The following DMRTA1 variants were observed in gnomAD, a reference collection of about 807,000 sequenced individuals.
DMRTA1 encodes DMRT like family A1, also known as doublesex- and mab-3-related transcription factor A1.
Under a neutral mutation model 35.2 loss-of-function variants are expected in DMRTA1, and 34 were observed. The ratio of observed to expected loss-of-function variants is 0.97; its 90% CI spans 0.74 to 1.29. The LOEUF is 1.29. Ranked by LOEUF, DMRTA1 falls within the 50% of genes most tolerant of loss-of-function variation. The probability of loss-of-function intolerance (pLI) is 0.00; values close to 1 mark genes in which losing one functional copy is unlikely to be tolerated. For missense variants in DMRTA1, 824 were observed against 644.6 expected, an observed-to-expected ratio of 1.28 and a Z score of -3.01; for synonymous variants, 344 against 276.6, an observed-to-expected ratio of 1.24 and a Z score of -2.42.
rs1262118692 is a variant in DMRTA1, at chr9:22,454,850, C to T, written c.*2939C>T. The T allele has an allele frequency of 6.6e-6, 1 of 152,070 alleles. No homozygotes were observed. The highest frequency in any genetic ancestry group is 2.4e-5 in the African/African-American group (1 of 41,404). The allele number at this position is 152,070 out of a possible 1,614,324, so 9.4% of individuals were successfully genotyped here. ...GCCTCGTATGATAAAGCATCTGGAACTCATTGAAAAATGCATGTAGAAAAT... is the reference window on the plus strand; with the variant it reads ...GCCTCGTATGATAAAGCATCTGGAATTCATTGAAAAATGCATGTAGAAAAT... On this transcript the variant is annotated 3_prime_UTR_variant, in exon 2 of 2. Transcript: ENST00000325870.
At position 22,452,061 on chromosome 9, in the gene DMRTA1, A is replaced by G; in HGVS notation, c.*150A>G. The G allele has an allele frequency of 2.2e-6, 2 of 890,868 alleles. No homozygotes were observed. The highest frequency in any genetic ancestry group is 1.9e-5 in the South Asian group (1 of 52,180). The allele number at this position is 890,868 out of a possible 1,614,324, so 55.2% of individuals were successfully genotyped here. ...TGCTGGGTTTTTTTTTTTTCAAGCA[A>G]TATAATAGGTCTTAGATCTGAAAAC... On this transcript the variant is annotated 3_prime_UTR_variant, in exon 2 of 2. Coordinates refer to ENST00000325870, the MANE Select transcript of DMRTA1 (RefSeq NM_022160.3).
Position 22,451,215 on chromosome 9 carries a change from G to A in DMRTA1, c.819G>A (p.Lys273=), listed in dbSNP as rs936560925. Residue 273 remains lysine (K), a synonymous_variant, in exon 2 of 2, where the codon AAG becomes AAA. Coordinates refer to ENST00000325870, the MANE Select transcript of DMRTA1 (RefSeq NM_022160.3). ...CATCTATTTCAGAATACTCCAACAA[G>A]CCTGATAGTATCCTGTCTCCTCATC... is the stretch of plus-strand genomic sequence containing the variant. ...IGSSISEYSN[K]PDSILSPHPG... is the part of the protein sequence containing the mutation. 1.2e-6 allele frequency: 2 copies of A among 1,614,070 alleles called. No individual in the cohort carries two copies. The highest frequency in any genetic ancestry group is 1.7e-6 in the Non-Finnish European group (2 of 1,179,952).
In DMRTA1 at chr9:22,446,836, G is replaced by T; in HGVS notation, c.-230G>T. 1.9e-6 allele frequency: 1 copy of T among 538,184 alleles called. No homozygotes were observed. Among genetic ancestry groups the T allele is most frequent in the East Asian group, 3.5e-5 (1 of 28,252 alleles). 33.3% of individuals were successfully genotyped at this position (538,184 alleles called of 1,614,324 possible). The stretch of plus-strand genomic sequence containing the variant: ...GCACAAAGGCATTAACTTAGCGCCC[G>T]GGGTCTCTGCCAGGCTCACGGGACA... On this transcript the variant is annotated 5_prime_UTR_variant, in exon 1 of 2. Coordinates refer to ENST00000325870, the MANE Select transcript of DMRTA1 (RefSeq NM_022160.3).
At position 22,451,147 on chromosome 9, in the gene DMRTA1, T is replaced by A. The variant is rs543015454; in HGVS notation, c.751T>A (p.Ser251Thr). 44 of 1,614,052 alleles carry A rather than the reference T, an allele frequency of 2.7e-5. No individual in the cohort carries two copies. The South Asian group carries it at 4.6e-4, about 17-fold the overall frequency. ...SKSHQLYLGS[S>T]SRSNGVIGKQ... ...ATCCCATCAGCTTTACCTAGGATCA[T>A]CTTCTAGGTCTAATGGTGTCATTGG... The change falls in exon 2 of 2, where the codon TCT (serine) becomes ACT (threonine). Residue 251 changes from serine to threonine, a missense_variant. Physicochemically the swap from Ser to Thr is moderately conservative, Grantham distance 58 (BLOSUM62 1). Transcript: ENST00000325870.
chr9:22,450,366 A>G (rs796947191), intron 1 of DMRTA1, among the ~76,000 whole-genome samples: 15 of 151,896 alleles, frequency 9.9e-5, no homozygotes, highest in African/African-American at 2.2e-4. Context: ...AAGAAAGTAC[A>G]TTTCATAGAG....
At position 22,447,164 on chromosome 9, in the gene DMRTA1, G is replaced by A. The variant is rs753878586; in HGVS notation, c.99G>A (p.Pro33=). ...LVVAAPPPPS[P]ALPVPSGMQV... Reference sequence around the variant, plus strand: ...TGGCTGCCCCTCCGCCCCCGTCCCCGGCGTTGCCGGTACCATCGGGGATGC... The same window carrying A: ...TGGCTGCCCCTCCGCCCCCGTCCCCAGCGTTGCCGGTACCATCGGGGATGC... The change falls in exon 1 of 2, where the codon CCG becomes CCA. Residue 33 remains proline, a synonymous_variant. Transcript: ENST00000325870. 2 of 1,601,030 alleles carry A rather than the reference G, an allele frequency of 1.2e-6. No homozygotes were observed. Among genetic ancestry groups the A allele is most frequent in the East Asian group, 2.3e-5 (1 of 43,060 alleles).
At chr9:22,450,774 G>T (rs956087025) in intron 1 of DMRTA1, among the ~76,000 whole-genome samples, 2 of 151,990 alleles carry the variant, frequency 1.3e-5, no homozygotes, top group African/African-American at 4.8e-5. Flanking sequence ...AGACAATTTG[G>T]GGTAACAATA....
rs1587670268 is a variant in DMRTA1, at chr9:22,452,037, G to A, written c.*126G>A. On this transcript the variant is annotated 3_prime_UTR_variant, in exon 2 of 2. Transcript: ENST00000325870. ...TGAGTGGATTATGAGGTCTTAAAAT[G>A]CTGGGTTTTTTTTTTTTCAAGCAAT... 6.5e-6 allele frequency: 7 copies of A among 1,084,612 alleles called. No homozygotes were observed. Among genetic ancestry groups the A allele is most frequent in the East Asian group, 6.0e-5 (2 of 33,198 alleles). 67.2% of individuals were successfully genotyped at this position (1,084,612 alleles called of 1,614,324 possible).
At chr9:22,450,874 T>C (rs1014022310) in intron 1 of DMRTA1, among the ~76,000 whole-genome samples, 190 bp from the exon 2 acceptor site, 2 of 152,242 alleles carry the variant, frequency 1.3e-5, no homozygotes, top group Admixed American at 1.3e-4. Flanking sequence ...TACTTTTCAC[T>C]ATTCCAGCAC....
chr9:22,447,338 C>A lies in DMRTA1; in HGVS notation c.273C>A (p.Tyr91Ter). The change falls in exon 1 of 2, where the codon TAC becomes TAA. Residue 91 changes from tyrosine to a stop codon, truncating the protein, a stop_gained. Coordinates refer to ENST00000325870, the MANE Select transcript of DMRTA1 (RefSeq NM_022160.3). LOFTEE classifies it high-confidence loss of function. ...GGGTAGGCGCGGTGGGCTGCGGCTA[C>A]CCGCGGACGCCCAAGTGCGCCCGCT... Reference protein sequence around the residue: ...ESGVGAVGCGYPRTPKCARCR... With the variant: ...ESGVGAVGCG 1 of 1,530,944 alleles carries A rather than the reference C, an allele frequency of 6.5e-7. No homozygotes were observed. The highest frequency in any genetic ancestry group is 2.7e-5 in the East Asian group (1 of 37,284). 94.8% of individuals were successfully genotyped at this position (1,530,944 alleles called of 1,614,324 possible).
At chr9:22,447,845 CTT>C (rs1818864087) in intron 1 of DMRTA1, 113 bp downstream of exon 1, 2 of 1,318,778 alleles carry the variant, frequency 1.5e-6, no homozygotes, top group Admixed American at 2.1e-5. Flanking sequence ...AAAAGAAACA[CTT>C]TAAGTTTTGG....
rs150007803 is a variant in DMRTA1 at position 22,451,687 on chromosome 9, A to G, written c.1291A>G (p.Arg431Gly). ...GDSSLYGVNP[R>G]VGISPLRLAY... ...TTCAAGTCTCTACGGCGTAAATCCT[A>G]GAGTAGGTATCAGTCCATTAAGGCT... Residue 431 changes from arginine to glycine, a missense_variant, in exon 2 of 2, where the codon AGA becomes GGA. Transcript: ENST00000325870. 111 of 1,614,022 alleles carry G rather than the reference A, an allele frequency of 6.9e-5. No homozygotes were observed. The highest frequency in any genetic ancestry group is 8.6e-5 in the Non-Finnish European group (101 of 1,179,982).
In DMRTA1 at chr9:22,455,255, C is replaced by T. The variant is rs1211077027; in HGVS notation, c.*3344C>T. 6.6e-6 allele frequency: 1 copy of T among 152,038 alleles called. No individual in the cohort carries two copies. The allele number at this position is 152,038 out of a possible 1,614,324, so 9.4% of individuals were successfully genotyped here. A position where few individuals can be genotyped will look rare whatever the true frequency, so the allele number is the denominator to read the frequency against. On this transcript the variant is annotated 3_prime_UTR_variant, in exon 2 of 2. Coordinates refer to ENST00000325870, the MANE Select transcript of DMRTA1 (RefSeq NM_022160.3). ...AGTACAATTCCTATAAGGTAAATAC[C>T]AATATGTCTTTCTAGAAGAAGCAAT...
Position 22,452,202 on chromosome 9 carries a change from A to G in DMRTA1, c.*291A>G, listed in dbSNP as rs562226498. 2 of 237,300 alleles carry G rather than the reference A, an allele frequency of 8.4e-6. No homozygotes were observed. The highest frequency in any genetic ancestry group is 2.3e-5 in the African/African-American group (1 of 44,082). The allele number at this position is 237,300 out of a possible 1,614,324, so 14.7% of individuals were successfully genotyped here. A position where few individuals can be genotyped will look rare whatever the true frequency, so the allele number is the denominator to read the frequency against. On this transcript the variant is annotated 3_prime_UTR_variant, in exon 2 of 2. Coordinates refer to ENST00000325870, the MANE Select transcript of DMRTA1 (RefSeq NM_022160.3). ...TCTCCCTAAATTATCATTTGTAAACATTTTTATTTTAAAACTAGTTTTTAT... is the reference window on the plus strand; with the variant it reads ...TCTCCCTAAATTATCATTTGTAAACGTTTTTATTTTAAAACTAGTTTTTAT...
chr9:22,448,192 T>C (rs1035909062), intron 1 of DMRTA1, among the ~76,000 whole-genome samples: 1 of 152,148 alleles, frequency 6.6e-6, no homozygotes, highest in Non-Finnish European at 1.5e-5. Context: ...CACTGCAGCC[T>C]CAACCTCCCC....
In DMRTA1 at chr9:22,447,184, G is replaced by C. The variant is rs201950652; in HGVS notation, c.119G>C (p.Gly40Ala). ...TCCCCGGCGTTGCCGGTACCATCGGGGATGCAGGTTCCCCCAGCGTTCCTG... is the reference window on the plus strand; with the variant it reads ...TCCCCGGCGTTGCCGGTACCATCGGCGATGCAGGTTCCCCCAGCGTTCCTG... The part of the protein sequence containing the change: ...PPSPALPVPS[G>A]MQVPPAFLRP... Residue 40 changes from glycine (G) to alanine (A), a missense_variant, in exon 1 of 2, where the codon GGG becomes GCG. Transcript: ENST00000325870. 1.3e-3 allele frequency: 2,027 copies of C among 1,597,954 alleles called. 22 individuals are homozygous for C. In the African/African-American group the frequency reaches 0.024, roughly 19 times the overall value.
chr9:22,448,169 C>A (rs1278239156), intron 1 of DMRTA1, among the ~76,000 whole-genome samples: 1 of 152,096 alleles, frequency 6.6e-6, no homozygotes, highest in Non-Finnish European at 1.5e-5. Context: ...AGTGCAGTGG[C>A]GCCATTACAG....
Position 22,447,727 on chromosome 9 carries a change from A to G in DMRTA1, c.662A>G (p.Lys221Arg). 2 of 1,613,442 alleles carry G rather than the reference A, an allele frequency of 1.2e-6. No individual in the cohort carries two copies. Among genetic ancestry groups the G allele is most frequent in the Non-Finnish European group, 1.7e-6 (2 of 1,180,002 alleles). The change falls in exon 1 of 2, where the codon AAA becomes AGA. Residue 221 changes from lysine to arginine, a missense_variant. Physicochemically the swap from Lys to Arg is conservative, Grantham distance 26 (BLOSUM62 2). Coordinates refer to ENST00000325870, the MANE Select transcript of DMRTA1 (RefSeq NM_022160.3). ...EVFQQDYPEE[K>R]QEQKESKCES... is the part of the protein sequence containing the mutation. ...TTCCAGCAAGATTATCCTGAGGAAAAACAAGGTGAGTTGGTCTTTGATTTA... is the reference window on the plus strand; with the variant it reads ...TTCCAGCAAGATTATCCTGAGGAAAGACAAGGTGAGTTGGTCTTTGATTTA...
intron 1 of DMRTA1, among the ~76,000 whole-genome samples, chr9:22,448,051 G>C (rs1198299116): frequency 6.6e-6 from 1 of 152,206 alleles, no homozygotes; most frequent in African/African-American, 2.4e-5. Context: ...TTCACTGTGT[G>C]AGTAGAACTT....
Sources: gnomAD v4.1 joint callset for allele counts (sites outside exome capture counted in the v4.1 genomes callset) on GRCh38, gnomAD v4.1.1 for gene constraint, MANE v1.5 for transcripts, NCBI Gene and HGNC (gene_info 2026-07-23, HGNC 2026-07-21) for gene names.